Variants in IL1RAPL2 observed in about 807,000 individuals in gnomAD.
IL1RAPL2 encodes the protein X-linked interleukin-1 receptor accessory protein-like 2.
Under a neutral mutation model 44.1 loss-of-function variants are expected in IL1RAPL2, and 3 were observed. The observed-to-expected ratio is 0.07, with a 90% CI of 0.03 to 0.18. The LOEUF is 0.18. Ranked by LOEUF, IL1RAPL2 falls within the 10% of genes least tolerant of loss-of-function variation. The pLI, the probability that IL1RAPL2 is intolerant of heterozygous loss-of-function variation, is 1.00. For missense variants in IL1RAPL2, 391 were observed against 496.4 expected (o/e 0.79, Z 2.02); for synonymous variants, 181 against 178.8 (o/e 1.01, Z -0.10).
intron 8 of IL1RAPL2, among the ~76,000 whole-genome samples, chrX:105,741,912 A>G (rs2038503142): frequency 9.0e-6 from 1 of 111,566 alleles, no homozygotes; most frequent in South Asian, 3.8e-4. Context: ...GAAATATGCC[A>G]TGACCAAACA....
intron 7 of IL1RAPL2, among the ~76,000 whole-genome samples, chrX:105,734,244 T>C (rs1425260079): frequency 9.0e-6 from 1 of 110,853 alleles, no homozygotes; most frequent in African/African-American, 3.3e-5. Context: ...GTGCCCCTGG[T>C]ATGTTACCTT....
chrX:105,351,814 T>C (rs1173383329), intron 5 of IL1RAPL2, among the ~76,000 whole-genome samples: 1 of 112,198 alleles, frequency 8.9e-6, no homozygotes, highest in Non-Finnish European at 1.9e-5. Context: ...TGTTTTGAAA[T>C]ATCTTTTATT....
intron 7 of IL1RAPL2, among the ~76,000 whole-genome samples, chrX:105,721,600 T>C: frequency 9.0e-6 from 1 of 111,401 alleles, no homozygotes; most frequent in Non-Finnish European, 1.9e-5. Context: ...TGCTACTCTC[T>C]CCAGCAGCAA....
At chrX:105,017,293 A>G (rs186212142) in intron 2 of IL1RAPL2, among the ~76,000 whole-genome samples, 28 of 111,320 alleles carry the variant, frequency 2.5e-4, no homozygotes, top group Admixed American at 1.9e-3. Context: ...TTTTGTGTCT[A>G]TCTCCTTCAG....
chrX:104,581,566 C>T (rs1259197601), intron 1 of IL1RAPL2, among the ~76,000 whole-genome samples: 1 of 111,480 alleles, frequency 9.0e-6, no homozygotes, highest in African/African-American at 3.3e-5. Context: ...GAGCAAGGTG[C>T]TGAATCTGCA....
chrX:105,338,199 C>T (rs764732052), intron 5 of IL1RAPL2, among the ~76,000 whole-genome samples: 5 of 111,752 alleles, frequency 4.5e-5, no homozygotes, highest in African/African-American at 1.6e-4. Context: ...TTTTCATTAC[C>T]TACATTCTCT....
intron 6 of IL1RAPL2, among the ~76,000 whole-genome samples, chrX:105,573,341 G>A (rs1442143230): frequency 9.0e-6 from 1 of 111,715 alleles, no homozygotes; most frequent in Non-Finnish European, 1.9e-5. Context: ...TTACAGGTGT[G>A]AACCACTGTA....
intron 2 of IL1RAPL2, among the ~76,000 whole-genome samples, chrX:104,808,933 T>A (rs917777506): frequency 8.9e-6 from 1 of 111,747 alleles, no homozygotes; most frequent in African/African-American, 3.3e-5. Context: ...TTTCACACAC[T>A]CAGCACATTA....
intron 7 of IL1RAPL2, among the ~76,000 whole-genome samples, chrX:105,728,821 T>C: frequency 9.0e-6 from 1 of 111,678 alleles, no homozygotes; most frequent in Non-Finnish European, 1.9e-5. Context: ...CATTACTGTA[T>C]CATACAGAAT....
At chrX:104,601,147 A>G (rs1011270429) in intron 1 of IL1RAPL2, among the ~76,000 whole-genome samples, 1 of 111,159 alleles carries the variant, frequency 9.0e-6, no homozygotes, top group Non-Finnish European at 1.9e-5. Context: ...TTTTTATTAT[A>G]CTTTAAGTTT....
chrX:104,750,436 G>A (rs1729727677), intron 2 of IL1RAPL2, among the ~76,000 whole-genome samples: 1 of 110,671 alleles, frequency 9.0e-6, no homozygotes, highest in Non-Finnish European at 1.9e-5. Flanking sequence ...TTCCATTTGA[G>A]GAGCTCCAAA....
At position 104,566,505 on chromosome X, in the gene IL1RAPL2, T is replaced by C. The variant is rs1462361915; in HGVS notation, c.-566T>C. On this transcript the variant is annotated 5_prime_UTR_variant, in exon 1 of 11. Coordinates refer to ENST00000372582, the MANE Select transcript of IL1RAPL2 (RefSeq NM_017416.2). ...CGTTAGGGCGACAGGGCAGCTGGTG[T>C]TTCGCTCCTGGAGTGTGCCTACCTC... The C allele has an allele frequency of 3.5e-5, 4 of 112,937 alleles. No individual in the cohort carries two copies. Among genetic ancestry groups the C allele is most frequent in the Non-Finnish European group, 7.5e-5 (4 of 53,341 alleles). The allele number at this position is 112,937 out of a possible 1,213,427, so 9.3% of individuals were successfully genotyped here.
At chrX:104,810,683 C>A (rs775023846) in intron 2 of IL1RAPL2, among the ~76,000 whole-genome samples, 19 of 111,640 alleles carry the variant, frequency 1.7e-4, no homozygotes, top group African/African-American at 6.2e-4. Flanking sequence ...TGCAGCATAA[C>A]CTAGCCTGTC....
chrX:105,443,369 T>A (rs959741854), intron 5 of IL1RAPL2, among the ~76,000 whole-genome samples: 1 of 111,305 alleles, frequency 9.0e-6, no homozygotes, highest in Non-Finnish European at 1.9e-5. Context: ...ATACTTTTTT[T>A]AGTTATTTTA....
chrX:105,068,246 C>T (rs2032163140), intron 2 of IL1RAPL2, among the ~76,000 whole-genome samples: 1 of 111,366 alleles, frequency 9.0e-6, no homozygotes, highest in African/African-American at 3.3e-5. Flanking sequence ...GAAAACTAGT[C>T]CATAAGTTCA....
intron 2 of IL1RAPL2, among the ~76,000 whole-genome samples, chrX:105,152,099 G>T (rs760240504): frequency 3.9e-4 from 43 of 110,453 alleles, no homozygotes; most frequent in Non-Finnish European, 6.8e-4. Flanking sequence ...CACCACCAAA[G>T]AACTTACTCA....
Position 105,516,897 on chromosome X carries a change from C to T in IL1RAPL2, c.772+32510C>T, listed in dbSNP as rs756641560. Among the ~76,000 whole-genome samples, 7 of 111,444 alleles carry T rather than the reference C, an allele frequency of 6.3e-5. No individual in the cohort carries two copies. The East Asian group carries it at 1.4e-3, about 23-fold the overall frequency. On this transcript the variant is annotated intron_variant, in intron 6 of 10. Coordinates refer to ENST00000372582, the MANE Select transcript of IL1RAPL2 (RefSeq NM_017416.2). ...TGATAAGGATGTGCACTGTCCTAAACGATTTTAGAGGAGGAGCAGCTAACT... is the reference window on the plus strand; with the variant it reads ...TGATAAGGATGTGCACTGTCCTAAATGATTTTAGAGGAGGAGCAGCTAACT...
At chrX:104,715,858 A>C (rs1602694185) in intron 2 of IL1RAPL2, among the ~76,000 whole-genome samples, 1 of 110,509 alleles carries the variant, frequency 9.0e-6, no homozygotes, top group African/African-American at 3.3e-5. Flanking sequence ...TGGCCATACT[A>C]CCCAAAGCAA....
In IL1RAPL2 at chrX:105,767,176, C is replaced by T; in HGVS notation, c.1576C>T (p.Arg526Cys). The change falls in exon 11 of 11, where the codon CGT (arginine) becomes TGT (cysteine). Residue 526 changes from arginine to cysteine, a missense_variant. Physicochemically the swap from Arg to Cys is radical, Grantham distance 180 (BLOSUM62 -3). This residue lies in a region of IL1RAPL2 where 232 missense variants were observed against 244.8 expected (regional missense o/e 0.95). Transcript: ENST00000372582. Reference protein sequence around the residue: ...VNCQEVESLKRSIKLLSLIKW... With the variant: ...VNCQEVESLKCSIKLLSLIKW... ...TTGCCAGGAAGTGGAATCACTAAAG[C>T]GTAGCATCAAACTTCTGTCCCTGAT... The T allele has an allele frequency of 8.3e-7, 1 of 1,209,600 alleles. No individual in the cohort carries two copies. The highest frequency in any genetic ancestry group is 3.0e-5 in the East Asian group (1 of 33,825).
Sources: allele counts gnomAD v4.1 joint callset (sites outside exome capture counted in the v4.1 genomes callset), GRCh38; gene constraint gnomAD v4.1.1; regional missense constraint gnomAD v4.1.1; transcripts MANE v1.5; gene names NCBI Gene and HGNC (gene_info 2026-07-23, HGNC 2026-07-21).